ZDHHC11: variants seen among roughly 807,000 people sequenced by gnomAD.
ZDHHC11 encodes the protein zDHHC palmitoyltransferase 11, also known as palmitoyltransferase ZDHHC11.
A neutral mutation model predicts 51.3 loss-of-function variants in ZDHHC11; 44 were observed. The observed-to-expected ratio is 0.86, with a 90% CI of 0.67 to 1.10. The LOEUF is 1.10. ZDHHC11 is among the 50% of genes least tolerant of loss of function. ZDHHC11 has a pLI of 0.00. For missense variants in ZDHHC11, 400 were observed against 537.7 expected (o/e 0.74, Z 2.53); for synonymous variants, 163 against 222.0 (o/e 0.73, Z 2.36).
chr5:855,614 A>C (rs1480529138), upstream of ZDHHC11, among the ~76,000 whole-genome samples: 1 of 142,512 alleles, frequency 7.0e-6, no homozygotes, highest in Non-Finnish European at 1.5e-5. Context: ...GCGGGGACAG[A>C]CCCCACCGAG....
intron 1 of ZDHHC11, among the ~76,000 whole-genome samples, chr5:856,739 C>T (rs779438318): frequency 5.9e-5 from 9 of 151,598 alleles, no homozygotes; most frequent in Admixed American, 2.0e-4. Flanking sequence ...ACAATACACA[C>T]AATACACATC....
upstream of ZDHHC11, among the ~76,000 whole-genome samples, chr5:854,373 G>C (rs900921662): frequency 1.4e-5 from 2 of 147,730 alleles, no homozygotes; most frequent in African/African-American, 5.0e-5. Flanking sequence ...GTAGGACAGA[G>C]AGCCAGGGAG....
intron 9 of ZDHHC11, among the ~76,000 whole-genome samples, 189 bp downstream of exon 9, chr5:821,672 C>T (rs1358409273): frequency 2.6e-5 from 4 of 151,300 alleles, no homozygotes; most frequent in Non-Finnish European, 3.0e-5. Context: ...TAAAAGAAGC[C>T]GCAGGCTGCT....
At chr5:860,534 A>G (rs1285593637), upstream of ZDHHC11, among the ~76,000 whole-genome samples, 1 of 151,930 alleles carries the variant, frequency 6.6e-6, no homozygotes, top group Admixed American at 6.6e-5. This position sits in a 1 kb window ranked among gnomAD's most constrained non-coding sequence, Gnocchi z 4.2. Flanking sequence ...GTGCTGCTGT[A>G]ACAAAATACC....
At chr5:802,874 A>T (rs10525448) in intron 11 of ZDHHC11, among the ~76,000 whole-genome samples, 2 of 96,326 alleles carry the variant, frequency 2.1e-5, no homozygotes, top group East Asian at 2.9e-4. Context: ...AAAAAAAAAA[A>T]GCTAAATGTG....
intron 12 of ZDHHC11, among the ~76,000 whole-genome samples, chr5:798,219 G>C (rs1263632881): frequency 6.6e-6 from 1 of 151,222 alleles, no homozygotes; most frequent in East Asian, 1.9e-4. Context: ...TGTATCTCTT[G>C]AAAAGGTGAA....
chr5:819,571 C>T lies in ZDHHC11; in HGVS notation c.1100G>A (p.Cys367Tyr). ...RNSRLICRRLCQFSTRVHPDG... is the reference protein window; with the variant it reads ...RNSRLICRRLYQFSTRVHPDG... ...TGGGTGTACACGAGTGGAGAACTGA[C>T]ACAGGCGCCTGCAAATCAGCCGGGA... Residue 367 changes from cysteine (C) to tyrosine (Y), a missense_variant, in exon 10 of 13, where the codon TGT becomes TAT. This residue lies in a region of ZDHHC11 where 231 missense variants were observed against 227.4 expected (regional missense o/e 1.02). Transcript: ENST00000283441. 1 of 1,609,954 alleles carries T rather than the reference C, an allele frequency of 6.2e-7. No homozygotes were observed. The highest frequency in any genetic ancestry group is 8.5e-7 in the Non-Finnish European group (1 of 1,176,722).
chr5:810,495 G>A (rs1429204538), intron 11 of ZDHHC11, among the ~76,000 whole-genome samples: 1 of 151,208 alleles, frequency 6.6e-6, no homozygotes, highest in Non-Finnish European at 1.5e-5. Flanking sequence ...CCTGTGATTA[G>A]CAACATCACA....
At chr5:838,201 C>A (rs1439519685) in intron 5 of ZDHHC11, among the ~76,000 whole-genome samples, 2 of 151,992 alleles carry the variant, frequency 1.3e-5, no homozygotes, top group African/African-American at 2.4e-5. Flanking sequence ...GAGCCCTACC[C>A]ACCTGGCCTG....
Position 840,069 on chromosome 5 carries a change from G to C in ZDHHC11, c.784+426C>G. The C allele has an allele frequency of 4.9e-6, 3 of 606,404 alleles. No individual in the cohort carries two copies. The South Asian group carries it at 6.0e-5, about 12-fold the overall frequency. The allele number at this position is 606,404 out of a possible 1,614,324, so 37.6% of individuals were successfully genotyped here. On this transcript the variant is annotated intron_variant, in intron 5 of 12. Coordinates refer to ENST00000283441, the MANE Select transcript of ZDHHC11 (RefSeq NM_024786.3). Reference sequence around the variant, plus strand: ...AGCTCTCGCTTCAGTTGTTTGGTTAGTGGGTGACCTGCCTGTAATATATTT... The same window carrying C: ...AGCTCTCGCTTCAGTTGTTTGGTTACTGGGTGACCTGCCTGTAATATATTT...
intron 1 of ZDHHC11, among the ~76,000 whole-genome samples, chr5:856,018 G>T (rs931483417): frequency 2.0e-5 from 3 of 151,996 alleles, no homozygotes; most frequent in African/African-American, 7.3e-5. Context: ...ACCCCATGGA[G>T]GACAGCGAGC....
chr5:817,181 G>C (rs1740919037), intron 10 of ZDHHC11, among the ~76,000 whole-genome samples: 1 of 151,578 alleles, frequency 6.6e-6, no homozygotes, highest in East Asian at 1.9e-4. Flanking sequence ...CTGAGGTCAA[G>C]CTGTGGCCAC....
chr5:816,489 C>CA, intron 10 of ZDHHC11: 1 of 500,880 alleles, frequency 2.0e-6, no homozygotes, highest in Non-Finnish European at 4.0e-6. Flanking sequence ...GAAAAACGGA[C>CA]AAGTGGGATG....
intron 2 of ZDHHC11, among the ~76,000 whole-genome samples, chr5:848,107 C>A (rs1252924833): frequency 2.1e-5 from 3 of 146,248 alleles, no homozygotes; most frequent in Non-Finnish European, 4.5e-5. Flanking sequence ...TGTCTTGAAA[C>A]TCCCCAAGAA....
intron 11 of ZDHHC11, among the ~76,000 whole-genome samples, chr5:801,927 T>C (rs1392497709): frequency 2.0e-5 from 3 of 151,552 alleles, no homozygotes; most frequent in East Asian, 1.9e-4. Context: ...AGGATATAAA[T>C]GTATCCATAA....
rs771822477 is a variant in ZDHHC11, at chr5:819,650, T to A, written c.1059-38A>T. Reference sequence around the variant, plus strand: ...ACAGAAGGAAAGAAACACACCACAGTTTTGTAGGGCGCTCAGGATGGCACT... The same window carrying A: ...ACAGAAGGAAAGAAACACACCACAGATTTGTAGGGCGCTCAGGATGGCACT... On this transcript the variant is annotated intron_variant, in intron 9 of 12. Transcript: ENST00000283441. 40 of 1,593,036 alleles carry A rather than the reference T, an allele frequency of 2.5e-5. No individual in the cohort carries two copies. In the South Asian group the frequency reaches 4.3e-4, roughly 17 times the overall value.
In ZDHHC11 at chr5:812,734, G is replaced by A. The variant is rs1476886603; in HGVS notation, c.1181+2027C>T. ...AGTATCTGACAACCTTGGCACAAAG[G>A]TGCTTCTTGCAATTTTGTTTGCAAA... On this transcript the variant is annotated intron_variant, in intron 11 of 12. Transcript: ENST00000283441. 4.0e-5 allele frequency among the ~76,000 whole-genome samples: 6 copies of A among 151,368 alleles called. 1 individual carries two copies. The highest frequency in any genetic ancestry group is 7.3e-5 in the African/African-American group (3 of 41,230).
At chr5:821,941 C>G in intron 8 of ZDHHC11, 46 bp from the exon 9 acceptor site, 1 of 1,544,044 alleles carries the variant, frequency 6.5e-7, no homozygotes, top group Non-Finnish European at 8.9e-7. Context: ...TGACATTGAA[C>G]TTATTCTTAA....
At chr5:848,946 C>CCAGCCCTGCACAG (rs1746706842) in intron 1 of ZDHHC11, among the ~76,000 whole-genome samples, 1 of 151,798 alleles carries the variant, frequency 6.6e-6, no homozygotes, top group African/African-American at 2.4e-5. Flanking sequence ...GCCCTGCACA[C>CCAGCCCTGCACAG]CCAGCCCTGC....
Sources: allele counts gnomAD v4.1 joint callset (sites outside exome capture counted in the v4.1 genomes callset), GRCh38; gene constraint gnomAD v4.1.1; regional missense constraint gnomAD v4.1.1; non-coding constraint Gnocchi (gnomAD v3.1); transcripts MANE v1.5; gene names NCBI Gene and HGNC (gene_info 2026-07-23, HGNC 2026-07-21).